Variants in MOB3B observed in about 807,000 individuals in gnomAD.
MOB3B encodes the protein MOB kinase activator 3B.
A neutral mutation model predicts 18.7 loss-of-function variants in MOB3B; 7 were observed. That is an observed-to-expected ratio of 0.37 (90% CI 0.21 to 0.70). The LOEUF (loss-of-function observed/expected upper bound fraction) is 0.70. Ranked by LOEUF, MOB3B falls within the 30% of genes least tolerant of loss-of-function variation. The probability of loss-of-function intolerance (pLI) is 0.52; values close to 1 mark genes in which losing one functional copy is unlikely to be tolerated. For missense variants in MOB3B, 253 were observed against 281.3 expected, an observed-to-expected ratio of 0.90 and a Z score of 0.72; for synonymous variants, 111 against 99.9, an observed-to-expected ratio of 1.11 and a Z score of -0.66.
intron 1 of MOB3B, among the ~76,000 whole-genome samples, chr9:27,487,153 A>AAATAAATAAATAAATAAATAAAAT (rs1241652908): frequency 0.13 from 2,931 of 22,764 alleles, 96 homozygotes; most frequent in African/African-American, 0.18. Flanking sequence ...ATAAATAAAT[A>AAATAAATAAATAAATAAATAAAAT]AAATAAATAA....
chr9:27,327,334 A>G lies in MOB3B; in HGVS notation c.*3253T>C, dbSNP rs1820727719. The stretch of plus-strand genomic sequence containing the variant: ...GATTGGATCAGGCAGACAACACCTG[A>G]TCAGTCCTAATATCAGAAAAGAGAC... On this transcript the variant is annotated 3_prime_UTR_variant, in exon 4 of 4. Coordinates refer to ENST00000262244, the MANE Select transcript of MOB3B (RefSeq NM_024761.5). 6.6e-6 allele frequency: 1 copy of G among 152,184 alleles called. No homozygotes were observed. Among genetic ancestry groups the G allele is most frequent in the Non-Finnish European group, 1.5e-5 (1 of 68,034 alleles). The allele number at this position is 152,184 out of a possible 1,614,324, so 9.4% of individuals were successfully genotyped here.
intron 2 of MOB3B, among the ~76,000 whole-genome samples, chr9:27,383,017 G>T (rs1821601243): frequency 6.6e-6 from 1 of 152,176 alleles, no homozygotes. Flanking sequence ...AGAGAGTTTA[G>T]CAGGGAAAAG....
At chr9:27,376,440 C>T (rs748801292) in intron 2 of MOB3B, among the ~76,000 whole-genome samples, 32 of 152,244 alleles carry the variant, frequency 2.1e-4, no homozygotes, top group Non-Finnish European at 3.7e-4. Flanking sequence ...GTACCCGTTG[C>T]ACACACTGAG....
In MOB3B at chr9:27,370,515, AAAAAAAAG is replaced by A. The variant is rs1318947221; in HGVS notation, c.419-11287_419-11280del. 2.9e-4 allele frequency among the ~76,000 whole-genome samples: 44 copies of A among 151,386 alleles called. 2 individuals are homozygous for A. The highest frequency in any genetic ancestry group is 9.7e-4 in the African/African-American group (40 of 41,194). On this transcript the variant is annotated intron_variant, in intron 2 of 3. Coordinates refer to ENST00000262244, the MANE Select transcript of MOB3B (RefSeq NM_024761.5). ...AAGAGTGAAACTCCATCTCAGAAAAAAAAAAAAGAAAAAAAGAGGGTCCTTTTTCTTTC... is the reference window on the plus strand; with the variant it reads ...AAGAGTGAAACTCCATCTCAGAAAAAAAAAAAAGAGGGTCCTTTTTCTTTC...
At chr9:27,513,583 C>G (rs1265603895) in intron 1 of MOB3B, among the ~76,000 whole-genome samples, 1 of 152,110 alleles carries the variant, frequency 6.6e-6, no homozygotes, top group Non-Finnish European at 1.5e-5. Flanking sequence ...TCCTTTGTAT[C>G]CCTTAAATAT....
At chr9:27,391,568 A>T (rs1821728584) in intron 2 of MOB3B, among the ~76,000 whole-genome samples, 2 of 152,256 alleles carry the variant, frequency 1.3e-5, no homozygotes, top group Non-Finnish European at 2.9e-5. Context: ...TTTTAATGAA[A>T]GTAAGTGTTT....
At chr9:27,492,824 G>C (rs912203292) in intron 1 of MOB3B, among the ~76,000 whole-genome samples, 1 of 152,188 alleles carries the variant, frequency 6.6e-6, no homozygotes, top group Non-Finnish European at 1.5e-5. Flanking sequence ...GCAGGGGAAA[G>C]GGCAACGCTT....
At chr9:27,370,572 C>T (rs1821402786) in intron 2 of MOB3B, among the ~76,000 whole-genome samples, 1 of 150,346 alleles carries the variant, frequency 6.7e-6, no homozygotes, top group Admixed American at 6.6e-5. Flanking sequence ...ATAGCAAAAA[C>T]TGCCATCTGT....
In MOB3B at chr9:27,330,086, C is replaced by G. The variant is rs1820764574; in HGVS notation, c.*501G>C. 6.4e-6 allele frequency: 1 copy of G among 157,476 alleles called. No individual in the cohort carries two copies. Among genetic ancestry groups the G allele is most frequent in the African/African-American group, 2.4e-5 (1 of 41,472 alleles). 9.8% of individuals were successfully genotyped at this position (157,476 alleles called of 1,614,324 possible). A position where few individuals can be genotyped will look rare whatever the true frequency, so the allele number is the denominator to read the frequency against. Reference sequence around the variant, plus strand: ...GTTAAACCACAGATCAGAGCAGGAGCTTTTAGAGACCTGAAAGGAAGGCTT... The same window carrying G: ...GTTAAACCACAGATCAGAGCAGGAGGTTTTAGAGACCTGAAAGGAAGGCTT... On this transcript the variant is annotated 3_prime_UTR_variant, in exon 4 of 4. Transcript: ENST00000262244.
chr9:27,480,373 C>A (rs1223464293), intron 1 of MOB3B, among the ~76,000 whole-genome samples: 2 of 151,662 alleles, frequency 1.3e-5, no homozygotes, highest in Non-Finnish European at 2.9e-5. Context: ...GATCTCGGCT[C>A]ACTGCAAGCT....
chr9:27,511,320 A>G (rs1417243895), intron 1 of MOB3B, among the ~76,000 whole-genome samples: 1 of 152,158 alleles, frequency 6.6e-6, no homozygotes, highest in Non-Finnish European at 1.5e-5. Context: ...GTTCGGTGTG[A>G]ACTTTGCCAG....
intron 2 of MOB3B, among the ~76,000 whole-genome samples, chr9:27,414,719 T>C (rs1822120480): frequency 6.6e-6 from 1 of 152,138 alleles, no homozygotes; most frequent in Non-Finnish European, 1.5e-5. Flanking sequence ...CATGAGGTTT[T>C]TTCCTCCCCA....
rs1202661588 is a variant in MOB3B, at chr9:27,325,535, T to G, written c.*5052A>C. The G allele has an allele frequency of 3.3e-5, 5 of 152,218 alleles. No individual in the cohort carries two copies. The highest frequency in any genetic ancestry group is 6.5e-5 in the Admixed American group (1 of 15,280). The allele number at this position is 152,218 out of a possible 1,614,324, so 9.4% of individuals were successfully genotyped here. A position where few individuals can be genotyped will look rare whatever the true frequency, so the allele number is the denominator to read the frequency against. ...AGTCACTGAAAATTCTTACTCAGAA[T>G]TAATACCTGTCCAGAGGGAAACAGC... On this transcript the variant is annotated 3_prime_UTR_variant, in exon 4 of 4. Coordinates refer to ENST00000262244, the MANE Select transcript of MOB3B (RefSeq NM_024761.5).
chr9:27,340,391 C>T (rs530098980), intron 3 of MOB3B, among the ~76,000 whole-genome samples: 1 of 147,754 alleles, frequency 6.8e-6, no homozygotes, highest in South Asian at 2.1e-4. Context: ...TATTCAGCCT[C>T]CTGATTTACA....
intron 3 of MOB3B, among the ~76,000 whole-genome samples, chr9:27,341,739 C>T (rs1341049654): frequency 6.6e-6 from 1 of 152,118 alleles, no homozygotes; most frequent in Non-Finnish European, 1.5e-5. Context: ...CATTATGCTT[C>T]CCCTAGAGAG....
At chr9:27,507,984 A>T (rs572575985) in intron 1 of MOB3B, among the ~76,000 whole-genome samples, 2 of 152,144 alleles carry the variant, frequency 1.3e-5, no homozygotes, top group Non-Finnish European at 1.5e-5. Context: ...GTTTTTGTTT[A>T]TCTGTTTTGT....
intron 1 of MOB3B, among the ~76,000 whole-genome samples, chr9:27,527,535 A>G (rs1217154039): frequency 6.6e-6 from 1 of 152,256 alleles, no homozygotes; most frequent in Non-Finnish European, 1.5e-5. Flanking sequence ...AAACTCTCAG[A>G]GCTGTGCAGA....
At chr9:27,401,951 G>T (rs1336064595) in intron 2 of MOB3B, among the ~76,000 whole-genome samples, 1 of 152,122 alleles carries the variant, frequency 6.6e-6, no homozygotes, top group Non-Finnish European at 1.5e-5. Context: ...CAACAGCCTA[G>T]CGCATAATGT....
At chr9:27,373,996 T>A (rs10967914) in intron 2 of MOB3B, among the ~76,000 whole-genome samples, 9,743 of 152,268 alleles carry the variant, frequency 0.064, 454 homozygotes, top group South Asian at 0.14. Context: ...CAGACAGACA[T>A]CTGTTTAAAC....
Sources: allele counts gnomAD v4.1 joint callset (sites outside exome capture counted in the v4.1 genomes callset), GRCh38; gene constraint gnomAD v4.1.1; transcripts MANE v1.5; gene names NCBI Gene and HGNC (gene_info 2026-07-23, HGNC 2026-07-21).